CYTH3: variants seen among roughly 807,000 people sequenced by gnomAD.
CYTH3 encodes the protein cytohesin-3.
A neutral mutation model predicts 55.1 loss-of-function variants in CYTH3; 23 were observed. The ratio of observed to expected loss-of-function variants is 0.42; its 90% CI spans 0.30 to 0.59. The LOEUF (loss-of-function observed/expected upper bound fraction) is 0.59, where lower values mean the gene tolerates loss of function less well. Among genes scored for constraint, CYTH3 ranks in the 20% least tolerant of loss-of-function variants. The pLI is 0.20. For missense variants in CYTH3, 413 were observed against 524.8 expected, an observed-to-expected ratio of 0.79 and a Z score of 2.08; for synonymous variants, 249 against 194.9, an observed-to-expected ratio of 1.28 and a Z score of -2.31.
intron 1 of CYTH3, among the ~76,000 whole-genome samples, chr7:6,196,455 T>A (rs12702491): frequency 7.2e-6 from 1 of 138,574 alleles, no homozygotes; most frequent in Admixed American, 7.1e-5. Flanking sequence ...TTTCTTTTTT[T>A]CTTTTTTTTT....
chr7:6,188,254 A>G (rs191973600), intron 2 of CYTH3, among the ~76,000 whole-genome samples: 7 of 152,020 alleles, frequency 4.6e-5, no homozygotes, highest in Non-Finnish European at 1.0e-4. Context: ...GACTGCATGA[A>G]CCCACGAGTT....
At chr7:6,224,222 C>T (rs1779174533) in intron 1 of CYTH3, among the ~76,000 whole-genome samples, 1 of 150,428 alleles carries the variant, frequency 6.6e-6, no homozygotes, top group Non-Finnish European at 1.5e-5. Context: ...GACCTGAATG[C>T]TATTAAGAGC....
At chr7:6,223,719 T>C (rs910986213) in intron 1 of CYTH3, among the ~76,000 whole-genome samples, 2 of 151,676 alleles carry the variant, frequency 1.3e-5, no homozygotes, top group African/African-American at 2.4e-5. Context: ...GACCTCTGCC[T>C]AGGAAAACTA....
intron 1 of CYTH3, among the ~76,000 whole-genome samples, chr7:6,207,708 GGGAGGTCGA>G (rs1265186144): frequency 6.6e-6 from 1 of 151,870 alleles, no homozygotes; most frequent in East Asian, 1.9e-4. Context: ...CCAGCACTTT[GGGAGGTCGA>G]GGCAGGCAGA....
chr7:6,271,825 G>C (rs1049899317), intron 1 of CYTH3, among the ~76,000 whole-genome samples: 13 of 151,974 alleles, frequency 8.6e-5, no homozygotes, highest in African/African-American at 1.9e-4. Flanking sequence ...TCCCACCCTC[G>C]GCTCCACGGA....
rs114350166 is a variant in CYTH3, at chr7:6,267,456, C to T, written c.34+5018G>A. 7.5e-3 allele frequency among the ~76,000 whole-genome samples: 1,144 copies of T among 152,312 alleles called. 13 individuals carry two copies. Among genetic ancestry groups the T allele is most frequent in the African/African-American group, 0.026 (1,096 of 41,578 alleles). ...CAAAAATACAGTAGTTAACTTACTA[C>T]AGAATGAAAAATAGGTAACATTTTA... On this transcript the variant is annotated intron_variant, in intron 1 of 12. Coordinates refer to ENST00000350796, the MANE Select transcript of CYTH3 (RefSeq NM_004227.4).
In CYTH3 at chr7:6,257,458, A is replaced by C. The variant is rs1366274934; in HGVS notation, c.34+15016T>G. On this transcript the variant is annotated intron_variant, in intron 1 of 12. Transcript: ENST00000350796. ...TCTTCTAACAGAATATTAAATTGCC[A>C]ATGCCACCTTTGATTACTGCATACT... Among the ~76,000 whole-genome samples the C allele has an allele frequency of 2.0e-5, 3 of 152,246 alleles. No individual in the cohort carries two copies. In the East Asian group the frequency reaches 5.8e-4, roughly 29 times the overall value.
intron 4 of CYTH3, among the ~76,000 whole-genome samples, chr7:6,178,971 T>C (rs1382464869): frequency 6.6e-6 from 1 of 152,182 alleles, no homozygotes; most frequent in Non-Finnish European, 1.5e-5. Flanking sequence ...CAGAAATCAA[T>C]TTGCCAGGAG....
At chr7:6,196,360 G>C (rs963851908) in intron 1 of CYTH3, among the ~76,000 whole-genome samples, 1 of 151,494 alleles carries the variant, frequency 6.6e-6, no homozygotes, top group Admixed American at 6.6e-5. Context: ...CGAATGCCCA[G>C]AGAGATCAAA....
rs1372738790 is a variant in CYTH3, at chr7:6,167,637, C to T, written c.824-1827G>A. On this transcript the variant is annotated intron_variant, in intron 9 of 12. Transcript: ENST00000350796. The surrounding 1 kb of genome is among the most constrained non-coding windows in gnomAD (Gnocchi z 5.5). The stretch of plus-strand genomic sequence containing the variant: ...CTGCACTCAGCTTTAAACCCAACTC[C>T]TTGGGCGGCAGCAGGGGCTGCCCTT... Among the ~76,000 whole-genome samples, 1 of 152,262 alleles carries T rather than the reference C, an allele frequency of 6.6e-6. No homozygotes were observed. Among genetic ancestry groups the T allele is most frequent in the Non-Finnish European group, 1.5e-5 (1 of 68,052 alleles).
intron 1 of CYTH3, among the ~76,000 whole-genome samples, chr7:6,226,285 G>C (rs924285576): frequency 2.0e-5 from 3 of 152,150 alleles, no homozygotes; most frequent in African/African-American, 7.2e-5. Context: ...GAAAGCACTG[G>C]AGATACTTCC....
intron 1 of CYTH3, among the ~76,000 whole-genome samples, chr7:6,204,467 C>G (rs1004749692): frequency 6.6e-6 from 1 of 152,182 alleles, no homozygotes; most frequent in Non-Finnish European, 1.5e-5. Context: ...TTTACACAGG[C>G]TGCTGCTCAG....
rs574556956 is a variant in CYTH3 at position 6,210,161 on chromosome 7, T to G, written c.35-19630A>C. On this transcript the variant is annotated intron_variant, in intron 1 of 12. Transcript: ENST00000350796. ...ATCCATTGTAAGAAATGCACCACACTAATGTAAGATGTTAATAACAGAAAA... is the reference window on the plus strand; with the variant it reads ...ATCCATTGTAAGAAATGCACCACACGAATGTAAGATGTTAATAACAGAAAA... Among the ~76,000 whole-genome samples, 206 of 152,278 alleles carry G rather than the reference T, an allele frequency of 1.4e-3. 1 individual carries two copies. Among genetic ancestry groups the G allele is most frequent in the Non-Finnish European group, 1.9e-3 (129 of 68,026 alleles).
chr7:6,221,115 G>A (rs1184737341), intron 1 of CYTH3, among the ~76,000 whole-genome samples: 2 of 152,040 alleles, frequency 1.3e-5, no homozygotes, highest in African/African-American at 2.4e-5. Flanking sequence ...AATGTTCACA[G>A]CAACTTTACT....
intron 1 of CYTH3, among the ~76,000 whole-genome samples, chr7:6,251,528 G>A (rs1009664412): frequency 6.6e-6 from 1 of 152,062 alleles, no homozygotes; most frequent in Non-Finnish European, 1.5e-5. Context: ...TGGCGGCGCA[G>A]ACAGAGCAGC....
chr7:6,182,401 T>A (rs1783527183), intron 4 of CYTH3, among the ~76,000 whole-genome samples: 1 of 152,160 alleles, frequency 6.6e-6, no homozygotes, highest in African/African-American at 2.4e-5. Flanking sequence ...CAGGCTAGAG[T>A]GCAGTGGTGT....
At chr7:6,229,064 T>G (rs957819177) in intron 1 of CYTH3, among the ~76,000 whole-genome samples, 1 of 152,082 alleles carries the variant, frequency 6.6e-6, no homozygotes, top group Non-Finnish European at 1.5e-5. Flanking sequence ...GAACAGATGT[T>G]TAACAGCTGT....
At chr7:6,192,986 C>T (rs1339590772) in intron 1 of CYTH3, among the ~76,000 whole-genome samples, 2 of 151,526 alleles carry the variant, frequency 1.3e-5, no homozygotes, top group African/African-American at 2.4e-5. Flanking sequence ...GTCTGGCCAA[C>T]ATAGTGAAAC....
intron 1 of CYTH3, among the ~76,000 whole-genome samples, chr7:6,220,996 CA>C (rs140892793): frequency 6.8e-6 from 1 of 146,200 alleles, no homozygotes; most frequent in Non-Finnish European, 1.5e-5. Flanking sequence ...ACCCCTTCTC[CA>C]AAAAAAAAAC....
Sources: allele counts gnomAD v4.1 joint callset (sites outside exome capture counted in the v4.1 genomes callset), GRCh38; gene constraint gnomAD v4.1.1; non-coding constraint Gnocchi (gnomAD v3.1); transcripts MANE v1.5; gene names NCBI Gene and HGNC (gene_info 2026-07-23, HGNC 2026-07-21).